Variants in MCTP1 observed in about 807,000 individuals in gnomAD.
MCTP1 encodes the protein multiple C2 and transmembrane domain containing 1.
A neutral mutation model predicts 120.6 loss-of-function variants in MCTP1; 69 were observed. The observed-to-expected ratio is 0.57, with a 90% confidence interval of 0.47 to 0.70. The LOEUF is 0.70. Among genes scored for constraint, MCTP1 ranks in the 30% least tolerant of loss-of-function variants. The pLI is 0.00. For missense variants in MCTP1, 1,203 were observed against 1,248.8 expected (o/e 0.96, Z 0.55); for synonymous variants, 529 against 493.1 (o/e 1.07, Z -0.96).
chr5:94,856,103 A>G (rs965377839), intron 17 of MCTP1, among the ~76,000 whole-genome samples: 1 of 151,762 alleles, frequency 6.6e-6, no homozygotes, highest in Non-Finnish European at 1.5e-5. Context: ...GGGGAAAATT[A>G]TATAGTGTTT....
rs749941091 is a variant in MCTP1, at chr5:94,870,892, T to C, written c.2221A>G (p.Ile741Val). The C allele has an allele frequency of 3.1e-6, 5 of 1,612,802 alleles. No individual in the cohort carries two copies. In the South Asian group the frequency reaches 5.5e-5, roughly 18 times the overall value. Reference protein sequence around the residue: ...GPTKGVIYLEIDVIFNAVKAS... With the variant: ...GPTKGVIYLEVDVIFNAVKAS... ...CTTACAGCATTAAAAATCACATCTA[T>C]TTCAAGATAGATGACCCCCTTTGTT... The change falls in exon 15 of 23, where the codon ATA (isoleucine) becomes GTA (valine). Residue 741 changes from isoleucine to valine, a missense_variant. Ile to Val is a conservative substitution (Grantham distance 29, BLOSUM62 3). This residue lies in a region of MCTP1 where 740 missense variants were observed against 871.1 expected (regional missense o/e 0.85). Coordinates refer to ENST00000515393, the MANE Select transcript of MCTP1 (RefSeq NM_024717.7).
intron 19 of MCTP1, among the ~76,000 whole-genome samples, chr5:94,770,101 C>T (rs1396943350): frequency 6.6e-6 from 1 of 152,054 alleles, no homozygotes; most frequent in South Asian, 2.1e-4. Context: ...AAGTTTCAGG[C>T]GGAATAAAAA....
chr5:95,057,099 AG>A (rs1170352978), intron 1 of MCTP1, among the ~76,000 whole-genome samples: 1 of 152,136 alleles, frequency 6.6e-6, no homozygotes, highest in East Asian at 1.9e-4. Flanking sequence ...TTCTATTTTC[AG>A]GGGAAAAATA....
At chr5:95,243,996 T>C (rs116680017) in intron 1 of MCTP1, among the ~76,000 whole-genome samples, 3,064 of 152,310 alleles carry the variant, frequency 0.02, 99 homozygotes, top group African/African-American at 0.069. Context: ...GCCGGTGTTC[T>C]AGAAAATCAT....
chr5:95,212,050 AC>A (rs1265976882), intron 1 of MCTP1, among the ~76,000 whole-genome samples: 1 of 152,154 alleles, frequency 6.6e-6, no homozygotes, highest in Non-Finnish European at 1.5e-5. Context: ...GACACAAAAA[AC>A]CCTTCAAAAA....
chr5:95,093,644 G>A (rs1756012506), intron 1 of MCTP1, among the ~76,000 whole-genome samples: 1 of 152,190 alleles, frequency 6.6e-6, no homozygotes, highest in Admixed American at 6.5e-5. Flanking sequence ...GAGTTTAGCT[G>A]CATGGTAATT....
chr5:95,041,311 G>GAAAAAAAAA (rs58379749), intron 1 of MCTP1, among the ~76,000 whole-genome samples: 6 of 89,806 alleles, frequency 6.7e-5, no homozygotes, highest in East Asian at 3.0e-4. Context: ...CCCATGCTCT[G>GAAAAAAAAA]AAAAAAAAAA....
chr5:95,238,797 A>C (rs1378553517), intron 1 of MCTP1, among the ~76,000 whole-genome samples: 1 of 152,104 alleles, frequency 6.6e-6, no homozygotes, highest in East Asian at 1.9e-4. Flanking sequence ...ACAGACCCCT[A>C]AGCCCTCACT....
intron 19 of MCTP1, among the ~76,000 whole-genome samples, chr5:94,749,270 T>C (rs1361440965): frequency 6.6e-6 from 1 of 152,182 alleles, no homozygotes; most frequent in Non-Finnish European, 1.5e-5. Flanking sequence ...ACACCTGCAA[T>C]AGTGTCTTAT....
At chr5:94,855,958 C>A (rs978828410) in intron 17 of MCTP1, among the ~76,000 whole-genome samples, 5 of 151,648 alleles carry the variant, frequency 3.3e-5, no homozygotes, top group African/African-American at 4.8e-5. Context: ...CATGAGCTAG[C>A]TTCACTAAAT....
intron 16 of MCTP1, 30 bp downstream of exon 16, chr5:94,870,387 C>T (rs1797623220): frequency 1.4e-6 from 2 of 1,449,628 alleles, no homozygotes; most frequent in Non-Finnish European, 1.9e-6. Context: ...CAGGTCTTCC[C>T]AGAGGGATTA....
chr5:94,704,774 A>C lies in MCTP1; in HGVS notation c.*2722T>G, dbSNP rs755945056. 1 of 150,658 alleles carries C rather than the reference A, an allele frequency of 6.6e-6. No homozygotes were observed. Among genetic ancestry groups the C allele is most frequent in the Non-Finnish European group, 1.5e-5 (1 of 67,352 alleles). 9.3% of individuals were successfully genotyped at this position (150,658 alleles called of 1,614,324 possible). On this transcript the variant is annotated 3_prime_UTR_variant, in exon 23 of 23. Transcript: ENST00000515393. ...ACTCAGATTATCCTAGTGCATATAG[A>C]ATGTTCAAAAACTGATTGATTGATT...
chr5:95,229,220 T>G (rs1562258930), intron 1 of MCTP1, among the ~76,000 whole-genome samples: 2 of 152,026 alleles, frequency 1.3e-5, no homozygotes, highest in South Asian at 4.1e-4. Context: ...TACTAAGGAG[T>G]CTAGGTTTTA....
chr5:95,248,861 A>G (rs896825039), intron 1 of MCTP1, among the ~76,000 whole-genome samples: 3 of 151,764 alleles, frequency 2.0e-5, no homozygotes, highest in Non-Finnish European at 3.0e-5. Context: ...CAGAAATAAC[A>G]TCTACAACCA....
At chr5:94,804,380 G>A (rs1781830517) in intron 17 of MCTP1, among the ~76,000 whole-genome samples, 1 of 152,172 alleles carries the variant, frequency 6.6e-6, no homozygotes, top group African/African-American at 2.4e-5. Context: ...AAAAGCAAGT[G>A]ATACATGTGA....
chr5:94,798,990 C>T (rs765014421), intron 18 of MCTP1, 23 bp downstream of exon 18: 2 of 1,598,586 alleles, frequency 1.3e-6, no homozygotes, highest in Admixed American at 1.8e-5. Flanking sequence ...AAAACACATA[C>T]AAGTAAGAGA....
chr5:94,790,998 C>A (rs986263147), intron 18 of MCTP1, among the ~76,000 whole-genome samples: 1 of 151,096 alleles, frequency 6.6e-6, no homozygotes, highest in African/African-American at 2.4e-5. Flanking sequence ...GCGGGCCAGG[C>A]GCGGTGCCTC....
At chr5:95,028,035 C>T (rs1839604464) in intron 1 of MCTP1, among the ~76,000 whole-genome samples, 2 of 152,190 alleles carry the variant, frequency 1.3e-5, no homozygotes, top group South Asian at 4.1e-4. Flanking sequence ...GACTAGCTCA[C>T]CACTCAAAGG....
intron 17 of MCTP1, among the ~76,000 whole-genome samples, chr5:94,832,719 C>T (rs1788828878): frequency 6.6e-6 from 1 of 152,076 alleles, no homozygotes; most frequent in Non-Finnish European, 1.5e-5. Context: ...ATTCCAGCTG[C>T]CCTGTTGGCT....
Sources: gnomAD v4.1 joint callset for allele counts (sites outside exome capture counted in the v4.1 genomes callset) on GRCh38, gnomAD v4.1.1 for gene constraint, gnomAD v4.1.1 regional missense constraint, MANE v1.5 for transcripts, NCBI Gene and HGNC (gene_info 2026-07-23, HGNC 2026-07-21) for gene names.